Variants in CAMKMT observed in about 807,000 individuals in gnomAD.
The protein encoded by CAMKMT is calmodulin-lysine N-methyltransferase, also known as CaM KMT.
CAMKMT carries 53 observed loss-of-function variants against 48.0 expected under a neutral mutation model. That is an observed-to-expected ratio of 1.10 (90% CI 0.89 to 1.39). CAMKMT has a LOEUF of 1.39. Among genes scored for constraint, CAMKMT ranks in the 40% most tolerant of loss-of-function variants. The probability of loss-of-function intolerance (pLI) is 0.00; values close to 1 mark genes in which losing one functional copy is unlikely to be tolerated. For missense variants in CAMKMT, 428 were observed against 402.7 expected (o/e 1.06, Z -0.54); for synonymous variants, 165 against 152.3 (o/e 1.08, Z -0.61).
intron 3 of CAMKMT, among the ~76,000 whole-genome samples, chr2:44,625,445 T>G (rs1672427518): frequency 6.6e-6 from 1 of 152,084 alleles, no homozygotes; most frequent in Non-Finnish European, 1.5e-5. Flanking sequence ...TATTGCAGAT[T>G]TTTTCCCAGT....
At chr2:44,362,252 C>A in intron 1 of CAMKMT, 107 bp downstream of exon 1, 1 of 1,063,496 alleles carries the variant, frequency 9.4e-7, no homozygotes, top group South Asian at 2.0e-5. Flanking sequence ...CTGGGAGACC[C>A]TTCTCAGTTT....
chr2:44,639,475 G>A (rs139860437), intron 3 of CAMKMT, among the ~76,000 whole-genome samples: 15 of 152,272 alleles, frequency 9.9e-5, no homozygotes, highest in Non-Finnish European at 1.8e-4. Flanking sequence ...TAATCTATGC[G>A]CTTCAGTTTC....
Position 44,709,823 on chromosome 2 carries a change from C to CA in CAMKMT, c.556+2368dup, listed in dbSNP as rs201536898. 1.8e-3 allele frequency among the ~76,000 whole-genome samples: 277 copies of CA among 151,496 alleles called. 5 individuals are homozygous for CA. In the East Asian group the frequency reaches 0.045, roughly 25 times the overall value. ...TCTAAGAAGTAAAAGTGGATGTCAA[C>CA]AAAAAAAGGGGGAGAAACATTGCCA... On this transcript the variant is annotated intron_variant, in intron 6 of 10. Coordinates refer to ENST00000378494, the MANE Select transcript of CAMKMT (RefSeq NM_024766.5).
At chr2:44,547,279 C>T (rs933298112) in intron 3 of CAMKMT, among the ~76,000 whole-genome samples, 1 of 152,112 alleles carries the variant, frequency 6.6e-6, no homozygotes, top group African/African-American at 2.4e-5. Context: ...AAAAACTGTT[C>T]TATGCTGATA....
At chr2:44,484,797 A>G (rs1669136377) in intron 3 of CAMKMT, among the ~76,000 whole-genome samples, 1 of 152,084 alleles carries the variant, frequency 6.6e-6, no homozygotes, top group African/African-American at 2.4e-5. Context: ...TGTAAGTTAC[A>G]GAGTAGGAGG....
chr2:44,587,213 C>T (rs1669905085), intron 3 of CAMKMT, among the ~76,000 whole-genome samples: 1 of 152,090 alleles, frequency 6.6e-6, no homozygotes, highest in Non-Finnish European at 1.5e-5. Context: ...TGCATTGAAT[C>T]AATAGCTTAA....
intron 3 of CAMKMT, among the ~76,000 whole-genome samples, chr2:44,694,051 GT>G (rs1003306080): frequency 5.3e-5 from 8 of 152,194 alleles, no homozygotes; most frequent in Non-Finnish European, 8.8e-5. Context: ...CAAGCAGTTG[GT>G]GGGGAGGAGG....
At chr2:44,601,868 A>G (rs1671012270) in intron 3 of CAMKMT, among the ~76,000 whole-genome samples, 1 of 152,118 alleles carries the variant, frequency 6.6e-6, no homozygotes, top group South Asian at 2.1e-4. Context: ...AGTAATCATG[A>G]TTCCATGTCT....
chr2:44,459,371 T>G (rs188974052), intron 3 of CAMKMT, among the ~76,000 whole-genome samples: 25 of 152,286 alleles, frequency 1.6e-4, no homozygotes, highest in African/African-American at 6.0e-4. Flanking sequence ...ATTATGGGGT[T>G]TTGTGCACAT....
At chr2:44,687,820 G>C (rs1003413215) in intron 3 of CAMKMT, among the ~76,000 whole-genome samples, 2 of 152,208 alleles carry the variant, frequency 1.3e-5, no homozygotes, top group East Asian at 1.9e-4. Context: ...GCAGGCAGCT[G>C]CTTCCTCCAT....
At chr2:44,617,014 C>G (rs1209503325) in intron 3 of CAMKMT, among the ~76,000 whole-genome samples, 1 of 152,162 alleles carries the variant, frequency 6.6e-6, no homozygotes, top group Non-Finnish European at 1.5e-5. Context: ...GAGATGTAAT[C>G]CATATCTCCT....
At chr2:44,734,259 C>T (rs989340850) in intron 7 of CAMKMT, among the ~76,000 whole-genome samples, 4 of 152,068 alleles carry the variant, frequency 2.6e-5, no homozygotes, top group Non-Finnish European at 1.5e-5. Context: ...GTTGTATTTT[C>T]ATTCAACGCA....
intron 3 of CAMKMT, among the ~76,000 whole-genome samples, chr2:44,462,161 A>C (rs1667880113): frequency 6.6e-6 from 1 of 152,226 alleles, no homozygotes; most frequent in African/African-American, 2.4e-5. Context: ...AATGAAAAAT[A>C]ATTTTTCTAA....
chr2:44,400,515 A>C (rs1489550854), intron 3 of CAMKMT, among the ~76,000 whole-genome samples: 2 of 152,144 alleles, frequency 1.3e-5, no homozygotes, highest in African/African-American at 4.8e-5. Flanking sequence ...TTAAGATGTT[A>C]AACTTTGTAT....
intron 3 of CAMKMT, among the ~76,000 whole-genome samples, chr2:44,497,216 A>G (rs1290086994): frequency 6.6e-6 from 1 of 152,222 alleles, no homozygotes; most frequent in Non-Finnish European, 1.5e-5. Flanking sequence ...ATGTTGACAG[A>G]TAACTACACA....
chr2:44,556,313 A>G (rs1668000475), intron 3 of CAMKMT, among the ~76,000 whole-genome samples: 1 of 151,380 alleles, frequency 6.6e-6, no homozygotes, highest in South Asian at 2.1e-4. Context: ...TAATTTTTGT[A>G]TTTTTAGTAG....
At chr2:44,520,659 A>G (rs1671058463) in intron 3 of CAMKMT, among the ~76,000 whole-genome samples, 1 of 152,222 alleles carries the variant, frequency 6.6e-6, no homozygotes. Context: ...TAGTTGTATT[A>G]TCCTGAATTA....
In CAMKMT at chr2:44,706,328, T is replaced by A; in HGVS notation, c.479T>A (p.Leu160Ter). The change falls in exon 5 of 11, where the codon TTG (leucine) becomes TAG (stop). Residue 160 changes from leucine to a stop codon, truncating the protein, a stop_gained. Coordinates refer to ENST00000378494, the MANE Select transcript of CAMKMT (RefSeq NM_024766.5). LOFTEE classifies it high-confidence loss of function. The stretch of plus-strand genomic sequence containing the variant: ...GAGCTAGGGGGTGGCATGACATGCT[T>A]GGCTGGGCTCATGGTAGGTCTTTTC... ...VCELGGGMTC[L>*]AGLMVAISAD... 6.2e-7 allele frequency: 1 copy of A among 1,613,458 alleles called. No individual in the cohort carries two copies. Among genetic ancestry groups the A allele is most frequent in the African/African-American group, 1.3e-5 (1 of 74,972 alleles).
intron 3 of CAMKMT, among the ~76,000 whole-genome samples, chr2:44,574,269 G>A (rs969073592): frequency 1.3e-5 from 2 of 152,176 alleles, no homozygotes; most frequent in Non-Finnish European, 2.9e-5. Context: ...TGCCTTTATT[G>A]GGGTTTTCAC....
Sources: gnomAD v4.1 joint callset for allele counts (sites outside exome capture counted in the v4.1 genomes callset) on GRCh38, gnomAD v4.1.1 for gene constraint, MANE v1.5 for transcripts, NCBI Gene and HGNC (gene_info 2026-07-23, HGNC 2026-07-21) for gene names.